NMBR: variants seen among roughly 807,000 people sequenced by gnomAD.
NMBR encodes the protein neuromedin B receptor.
NMBR carries 16 observed loss-of-function variants against 20.5 expected under a neutral mutation model. The ratio of observed to expected loss-of-function variants is 0.78; its 90% CI spans 0.53 to 1.19. NMBR has a LOEUF of 1.19. Ranked by LOEUF, NMBR falls within the 50% of genes most tolerant of loss-of-function variation. The probability of loss-of-function intolerance (pLI) is 0.00; values close to 1 mark genes in which losing one functional copy is unlikely to be tolerated. For missense variants in NMBR, 582 were observed against 499.1 expected, an observed-to-expected ratio of 1.17 and a Z score of -1.58; for synonymous variants, 212 against 196.6, an observed-to-expected ratio of 1.08 and a Z score of -0.65.
chr6:142,092,195 T>C (rs894906241), intron 1 of NMBR, among the ~76,000 whole-genome samples: 3 of 151,830 alleles, frequency 2.0e-5, no homozygotes, highest in African/African-American at 7.3e-5. Context: ...ATATATAATA[T>C]TAAAATTAAA....
intron 1 of NMBR, among the ~76,000 whole-genome samples, chr6:142,101,601 C>G (rs189712668): frequency 6.6e-6 from 1 of 152,198 alleles, no homozygotes; most frequent in Admixed American, 6.5e-5. Flanking sequence ...TAGGATCGAT[C>G]TTTTTCTTTA....
In NMBR at chr6:142,135,769, G is replaced by A. The variant is rs1228652820; in HGVS notation, c.-664+11275C>T. 5.3e-5 allele frequency among the ~76,000 whole-genome samples: 8 copies of A among 151,882 alleles called. No homozygotes were observed. In the South Asian group the frequency reaches 6.2e-4, roughly 12 times the overall value. On this transcript the variant is annotated intron_variant, in intron 1 of 3. Transcript: ENST00000258042. ...TGTTTGGTTTTTTGTCCTTGCGATAGTTTACTGAGAATGATGATTTCCAAT... is the reference window on the plus strand; with the variant it reads ...TGTTTGGTTTTTTGTCCTTGCGATAATTTACTGAGAATGATGATTTCCAAT...
At chr6:142,076,413 T>C (rs566479778) in intron 3 of NMBR, among the ~76,000 whole-genome samples, 7 of 152,278 alleles carry the variant, frequency 4.6e-5, no homozygotes, top group African/African-American at 1.2e-4. Flanking sequence ...CCATAGAATA[T>C]ATTCAAGCTT....
chr6:142,097,987 C>A (rs1777491503), intron 1 of NMBR, among the ~76,000 whole-genome samples: 1 of 151,612 alleles, frequency 6.6e-6, no homozygotes, highest in Non-Finnish European at 1.5e-5. Flanking sequence ...TAGAAAGTAT[C>A]CAAAACAAAA....
Position 142,078,537 on chromosome 6 carries a change from C to A in NMBR, c.771+18G>T. 7.0e-7 allele frequency: 1 copy of A among 1,435,344 alleles called. No homozygotes were observed. Among genetic ancestry groups the A allele is most frequent in the South Asian group, 1.3e-5 (1 of 79,664 alleles). 88.9% of individuals were successfully genotyped at this position (1,435,344 alleles called of 1,614,324 possible). A position where few individuals can be genotyped will look rare whatever the true frequency, so the allele number is the denominator to read the frequency against. On this transcript the variant is annotated intron_variant, in intron 3 of 3. Transcript: ENST00000258042. ...TTGTTCTGACCACACACCACCAACC[C>A]ACGCCTACTAAGCTTACCTGTTTTT...
At chr6:142,097,469 C>T (rs896386534) in intron 1 of NMBR, among the ~76,000 whole-genome samples, 5 of 152,012 alleles carry the variant, frequency 3.3e-5, no homozygotes, top group African/African-American at 1.2e-4. Context: ...ACAAATCCAT[C>T]ATAAATAAAG....
intron 1 of NMBR, chr6:142,135,167 A>G: frequency 4.7e-6 from 1 of 212,514 alleles, no homozygotes; most frequent in East Asian, 1.0e-4. Flanking sequence ...GTGCTTTTAC[A>G]GAGTTCTCTC....
At chr6:142,095,696 T>C (rs1242132431) in intron 1 of NMBR, among the ~76,000 whole-genome samples, 8 of 152,232 alleles carry the variant, frequency 5.3e-5, no homozygotes, top group Non-Finnish European at 2.9e-5. Flanking sequence ...TCCCTCTTTT[T>C]CTATTGATTG....
chr6:142,128,922 G>A (rs892065502), intron 1 of NMBR, among the ~76,000 whole-genome samples: 2 of 103,712 alleles, frequency 1.9e-5, no homozygotes, highest in African/African-American at 5.9e-5. Flanking sequence ...GAGCTTAAGA[G>A]GAATCAGTAT....
chr6:142,119,452 C>G (rs1300039924), intron 1 of NMBR, among the ~76,000 whole-genome samples: 1 of 151,858 alleles, frequency 6.6e-6, no homozygotes, highest in Non-Finnish European at 1.5e-5. Flanking sequence ...CTGTTCTCAC[C>G]CAAAACATAA....
Position 142,140,878 on chromosome 6 carries a change from G to C in NMBR, c.-664+6166C>G, listed in dbSNP as rs529978764. Reference sequence around the variant, plus strand: ...TAATGATGAAAGTATAATTTCATCAGGAAGCATAATAGTTGTAATATGTAT... The same window carrying C: ...TAATGATGAAAGTATAATTTCATCACGAAGCATAATAGTTGTAATATGTAT... On this transcript the variant is annotated intron_variant, in intron 1 of 3. Transcript: ENST00000258042. Among the ~76,000 whole-genome samples the C allele has an allele frequency of 2.6e-5, 4 of 152,178 alleles. No homozygotes were observed. The South Asian group carries it at 6.2e-4, about 24-fold the overall frequency.
chr6:142,091,774 T>C (rs1777329485), intron 1 of NMBR, among the ~76,000 whole-genome samples: 1 of 152,202 alleles, frequency 6.6e-6, no homozygotes, highest in African/African-American at 2.4e-5. Flanking sequence ...AAAATGTGAT[T>C]TCTATATAAA....
At chr6:142,121,380 T>C (rs1777941710) in intron 1 of NMBR, among the ~76,000 whole-genome samples, 1 of 151,978 alleles carries the variant, frequency 6.6e-6, no homozygotes, top group Non-Finnish European at 1.5e-5. Context: ...TTAAGCTTAG[T>C]GAAGAAAGCA....
chr6:142,129,393 T>C (rs1481235338), intron 1 of NMBR, among the ~76,000 whole-genome samples: 1 of 152,098 alleles, frequency 6.6e-6, no homozygotes, highest in African/African-American at 2.4e-5. Context: ...AGAAAATTTA[T>C]AAATGTATCC....
intron 1 of NMBR, among the ~76,000 whole-genome samples, chr6:142,125,238 A>C (rs1164554411): frequency 6.6e-6 from 1 of 151,808 alleles, no homozygotes; most frequent in South Asian, 2.1e-4. Context: ...AGAAGGGTAA[A>C]TTACTCTGAC....
At chr6:142,105,289 T>C (rs768726142) in intron 1 of NMBR, among the ~76,000 whole-genome samples, 15 of 152,188 alleles carry the variant, frequency 9.9e-5, no homozygotes, top group Non-Finnish European at 1.5e-4. Context: ...TCTGGATGTA[T>C]ACGTGCAGGT....
intron 1 of NMBR, among the ~76,000 whole-genome samples, chr6:142,110,057 T>C (rs1481832779): frequency 1.3e-5 from 2 of 152,096 alleles, no homozygotes; most frequent in Non-Finnish European, 2.9e-5. Context: ...TACGACCAAA[T>C]AGATGGACAC....
chr6:142,086,528 A>G (rs1777203954), intron 2 of NMBR, among the ~76,000 whole-genome samples: 1 of 152,150 alleles, frequency 6.6e-6, no homozygotes, highest in African/African-American at 2.4e-5. Context: ...GCATAACTTC[A>G]TCAACAGTTA....
At chr6:142,077,207 A>G (rs1302602384) in intron 3 of NMBR, among the ~76,000 whole-genome samples, 1 of 152,240 alleles carries the variant, frequency 6.6e-6, no homozygotes, top group Non-Finnish European at 1.5e-5. Flanking sequence ...GGCTGTTGGC[A>G]TTGAGATTAT....
Sources: allele counts gnomAD v4.1 joint callset (sites outside exome capture counted in the v4.1 genomes callset), GRCh38; gene constraint gnomAD v4.1.1; transcripts MANE v1.5; gene names NCBI Gene and HGNC (gene_info 2026-07-23, HGNC 2026-07-21).